UCHL5: variants seen among roughly 807,000 people sequenced by gnomAD.
UCHL5 encodes ubiquitin C-terminal hydrolase L5, also known as ubiquitin carboxyl-terminal hydrolase isozyme L5.
Under a neutral mutation model 53.8 loss-of-function variants are expected in UCHL5, and 34 were observed. That is an observed-to-expected ratio of 0.63 (90% CI 0.48 to 0.84). UCHL5 has a LOEUF of 0.84. Ranked by LOEUF, UCHL5 falls within the 40% of genes least tolerant of loss-of-function variation. The pLI, the probability that UCHL5 is intolerant of heterozygous loss-of-function variation, is 0.00. For missense variants in UCHL5, 290 were observed against 385.6 expected, an observed-to-expected ratio of 0.75 and a Z score of 2.08; for synonymous variants, 111 against 126.3, an observed-to-expected ratio of 0.88 and a Z score of 0.81.
intron 10 of UCHL5, among the ~76,000 whole-genome samples, chr1:193,017,241 A>G (rs180785220): frequency 1.3e-5 from 2 of 151,908 alleles, no homozygotes; most frequent in African/African-American, 4.8e-5. Flanking sequence ...CTACAATGCA[A>G]TATTTTTCCA....
intron 3 of UCHL5, among the ~76,000 whole-genome samples, chr1:193,047,576 G>A (rs1416660628): frequency 6.6e-6 from 1 of 152,168 alleles, no homozygotes; most frequent in Non-Finnish European, 1.5e-5. Flanking sequence ...GGGCAGTAAT[G>A]AGAATAAGCA....
chr1:193,024,910 G>A (rs1198601237), intron 7 of UCHL5, among the ~76,000 whole-genome samples: 1 of 152,050 alleles, frequency 6.6e-6, no homozygotes, highest in African/African-American at 2.4e-5. Context: ...CTGATTGTGG[G>A]ACTTCCATGT....
At chr1:193,024,619 TATA>T (rs1658451887) in intron 7 of UCHL5, among the ~76,000 whole-genome samples, 1 of 149,190 alleles carries the variant, frequency 6.7e-6, no homozygotes, top group Non-Finnish European at 1.5e-5. Context: ...TAATATAATA[TATA>T]ATTATATCGT....
rs146658212 is a variant in UCHL5 at position 193,025,684 on chromosome 1, G to A, written c.630-1738C>T. 3.7e-4 allele frequency among the ~76,000 whole-genome samples: 57 copies of A among 152,240 alleles called. No homozygotes were observed. In the East Asian group the frequency reaches 8.9e-3, roughly 24 times the overall value. On this transcript the variant is annotated intron_variant, in intron 7 of 10. Transcript: ENST00000367454. ...GACTTCTACTCCCACCTGGTGTAAT[G>A]AGGTGGCACCCACAATTTACATTTA...
At chr1:193,056,509 C>T (rs1401136673) in intron 1 of UCHL5, among the ~76,000 whole-genome samples, 1 of 152,104 alleles carries the variant, frequency 6.6e-6, no homozygotes, top group Non-Finnish European at 1.5e-5. Context: ...CAAATATTTA[C>T]AGCTTCTGTT....
At chr1:193,016,477 T>C (rs931544482) in intron 10 of UCHL5, 82 bp from the exon 11 acceptor site, 7 of 1,294,532 alleles carry the variant, frequency 5.4e-6, no homozygotes, top group Non-Finnish European at 7.5e-6. Context: ...TAAGAGGGTA[T>C]TCTCAAGCTG....
In UCHL5 at chr1:193,015,109, G is replaced by A. The variant is rs955576632; in HGVS notation, c.*1242C>T. ...ATTATGTATGAAAAATATTTCATTCGTTTTTCTATCAATTTCCTATCAGGT... is the reference window on the plus strand; with the variant it reads ...ATTATGTATGAAAAATATTTCATTCATTTTTCTATCAATTTCCTATCAGGT... On this transcript the variant is annotated 3_prime_UTR_variant, in exon 11 of 11. Transcript: ENST00000367454. The A allele has an allele frequency of 6.6e-5, 10 of 151,892 alleles. No homozygotes were observed. Among genetic ancestry groups the A allele is most frequent in the African/African-American group, 1.7e-4 (7 of 41,384 alleles). The allele number at this position is 151,892 out of a possible 1,614,324, so 9.4% of individuals were successfully genotyped here.
intron 1 of UCHL5, among the ~76,000 whole-genome samples, chr1:193,058,205 C>T (rs1377703034): frequency 1.3e-5 from 2 of 151,706 alleles, no homozygotes; most frequent in Non-Finnish European, 2.9e-5. Flanking sequence ...CCAGCCTGGG[C>T]GACAGAGCGA....
intron 9 of UCHL5, 75 bp from the exon 10 acceptor site, chr1:193,021,270 A>G: frequency 1.0e-6 from 1 of 953,708 alleles, no homozygotes; most frequent in Non-Finnish European, 1.6e-6. Flanking sequence ...ATCCAACTCA[A>G]AATAGAAATG....
chr1:193,049,961 A>G, intron 2 of UCHL5, 110 bp from the exon 3 acceptor site: 1 of 916,408 alleles, frequency 1.1e-6, no homozygotes, highest in Non-Finnish European at 1.6e-6. Context: ...CAAATGAAGT[A>G]AATATGGGAA....
chr1:193,043,766 CGGAGGGGGTTCCTT>C (rs1306766783), intron 3 of UCHL5, among the ~76,000 whole-genome samples: 3 of 152,244 alleles, frequency 2.0e-5, no homozygotes, highest in African/African-American at 7.2e-5. Flanking sequence ...CACCAAGAAT[CGGAGGGGGTTCCTT>C]GGATGGCAAT....
chr1:193,036,896 T>C (rs1663707375), intron 3 of UCHL5, among the ~76,000 whole-genome samples: 1 of 151,898 alleles, frequency 6.6e-6, no homozygotes, highest in African/African-American at 2.4e-5. Context: ...AACATGTTAC[T>C]AAATGATGAA....
chr1:193,059,916 C>A (rs41265201), upstream of UCHL5: 32,891 of 1,365,936 alleles, frequency 0.024, 504 homozygotes, highest in Non-Finnish European at 0.029. The surrounding 1 kb of genome is among the most constrained non-coding windows in gnomAD (Gnocchi z 4.9). Context: ...CGCTCTTCCC[C>A]GTCCCGCTTC....
intron 3 of UCHL5, among the ~76,000 whole-genome samples, chr1:193,048,934 G>A (rs1199809951): frequency 6.6e-6 from 1 of 152,060 alleles, no homozygotes; most frequent in Non-Finnish European, 1.5e-5. Flanking sequence ...CTGTTGCCCA[G>A]GCTGGAGTGT....
intron 10 of UCHL5, among the ~76,000 whole-genome samples, chr1:193,019,241 A>G (rs182114129): frequency 1.0e-3 from 157 of 151,716 alleles, no homozygotes; most frequent in African/African-American, 3.6e-3. Context: ...TCAAAATAAT[A>G]CTATTTAGCA....
chr1:193,029,523 T>G lies in UCHL5; in HGVS notation c.372+9A>C. ...TATGACATTTTAGGAATAAGAAGAT[T>G]GTACTCACAGCTGCATCAAAACTTT... On this transcript the variant is annotated intron_variant, in intron 4 of 10. Coordinates refer to ENST00000367454, the MANE Select transcript of UCHL5 (RefSeq NM_001199261.3). The G allele has an allele frequency of 1.2e-6, 2 of 1,612,952 alleles. No individual in the cohort carries two copies. Among genetic ancestry groups the G allele is most frequent in the Non-Finnish European group, 1.7e-6 (2 of 1,179,592 alleles).
chr1:193,042,556 G>C (rs1449914452), intron 3 of UCHL5, among the ~76,000 whole-genome samples: 1 of 152,112 alleles, frequency 6.6e-6, no homozygotes, highest in Non-Finnish European at 1.5e-5. Flanking sequence ...ATTAAAGGTG[G>C]TAATACTTTA....
chr1:193,012,771 G>C lies in UCHL5; in HGVS notation c.*3580C>G, dbSNP rs573722438. On this transcript the variant is annotated 3_prime_UTR_variant, in exon 11 of 11. Transcript: ENST00000367454. ...ATACTTATTATCTGTCTCACCATGA[G>C]AGCAGGGGCTTTTTCCTGTTATACT... The C allele has an allele frequency of 6.6e-6, 1 of 152,100 alleles. No individual in the cohort carries two copies. Among genetic ancestry groups the C allele is most frequent in the African/African-American group, 2.4e-5 (1 of 41,406 alleles). The allele number at this position is 152,100 out of a possible 1,614,324, so 9.4% of individuals were successfully genotyped here.
chr1:193,023,802 T>A (rs1016920673), intron 8 of UCHL5, 42 bp downstream of exon 8: 1 of 1,446,334 alleles, frequency 6.9e-7, no homozygotes, highest in African/African-American at 1.4e-5. Context: ...CCTGAGAGAA[T>A]AACCAAGCTA....
Sources: allele counts gnomAD v4.1 joint callset (sites outside exome capture counted in the v4.1 genomes callset), GRCh38; gene constraint gnomAD v4.1.1; non-coding constraint Gnocchi (gnomAD v3.1); transcripts MANE v1.5; gene names NCBI Gene and HGNC (gene_info 2026-07-23, HGNC 2026-07-21).